The following KDM6B variants were observed in gnomAD, a reference collection of about 807,000 sequenced individuals.
KDM6B encodes lysine-specific demethylase 6B.
KDM6B carries 22 observed loss-of-function variants against 150.4 expected under a neutral mutation model. The observed-to-expected ratio is 0.15, with a 90% CI of 0.10 to 0.21. The LOEUF is 0.21. Ranked by LOEUF, KDM6B falls within the 10% of genes least tolerant of loss-of-function variation. The pLI is 1.00. For synonymous variants in KDM6B, 1,148 were observed against 921.1 expected (o/e 1.25, Z -4.46); for missense variants, 1,984 against 2,234.3 (o/e 0.89, Z 2.26).
In KDM6B at chr17:7,847,732, C is replaced by G; in HGVS notation, c.1444C>G (p.Pro482Ala). 10 of 1,540,070 alleles carry G rather than the reference C, an allele frequency of 6.5e-6. No homozygotes were observed. Among genetic ancestry groups the G allele is most frequent in the Non-Finnish European group, 8.7e-6 (10 of 1,143,210 alleles). Reference sequence around the variant, plus strand: ...TCCCCGCCTCTTACGCCCCCCACCACCCCCTGCCTGGTTGAAGGGTCCGGC... The same window carrying G: ...TCCCCGCCTCTTACGCCCCCCACCAGCCCCTGCCTGGTTGAAGGGTCCGGC... Reference protein sequence around the residue: ...PCPRLLRPPPPPAWLKGPACR... With the variant: ...PCPRLLRPPPAPAWLKGPACR... The change falls in exon 12 of 24, where the codon CCC (proline) becomes GCC (alanine). Residue 482 changes from proline (P) to alanine (A), a missense_variant. Pro to Ala is a conservative substitution (Grantham distance 27). Around this residue, in one of 13 missense-constraint regions of KDM6B, gnomAD observed 1,379 missense variants for 1,275.6 expected, o/e 1.08. Coordinates refer to ENST00000448097, the MANE Select transcript of KDM6B (RefSeq NM_001348716.2).
chr17:7,846,377 G>GGGCCCCCCCCCC, intron 7 of KDM6B, 23 bp from the exon 8 acceptor site: 6 of 1,479,310 alleles, frequency 4.1e-6, no homozygotes, highest in Non-Finnish European at 4.6e-6. Flanking sequence ...ATCTGCCCCT[G>GGGCCCCCCCCCC]CCCCGTGTCC....
At position 7,849,910 on chromosome 17, in the gene KDM6B, C is replaced by G; in HGVS notation, c.3530C>G (p.Pro1177Arg). 6.2e-7 allele frequency: 1 copy of G among 1,613,546 alleles called. No homozygotes were observed. The change falls in exon 13 of 24, where the codon CCC becomes CGC. Residue 1177 changes from proline to arginine, a missense_variant. This residue lies in a region of KDM6B where 1,379 missense variants were observed against 1,275.6 expected (regional missense o/e 1.08). Transcript: ENST00000448097. ...KPKINTEEKLPREKLNPPTPS... is the reference protein window; with the variant it reads ...KPKINTEEKLRREKLNPPTPS... ...AAGATCAACACTGAGGAGAAGCTGC[C>G]CCGGGAAAAACTCAACCCCCCTACA...
rs1465283075 is a variant in KDM6B at position 7,852,986 on chromosome 17, C to G, written c.4611-14C>G. The G allele has an allele frequency of 6.2e-7, 1 of 1,613,564 alleles. No homozygotes were observed. Among genetic ancestry groups the G allele is most frequent in the Non-Finnish European group, 8.5e-7 (1 of 1,180,018 alleles). ...CCTTGCCGGTGGTCTCAACACAACC[C>G]CACTGCTCCCCAGGTTCTGCCTGCT... On this transcript the variant is annotated splice_polypyrimidine_tract_variant and intron_variant, in intron 21 of 23. Transcript: ENST00000448097.
chr17:7,837,808 GT>G (rs1485366217), intron 1 of KDM6B, among the ~76,000 whole-genome samples: 4 of 152,132 alleles, frequency 2.6e-5, no homozygotes, highest in African/African-American at 7.2e-5. Context: ...ATTAAATGGT[GT>G]TAGTTACTAG....
Position 7,851,777 on chromosome 17 carries a change from G to T in KDM6B, c.4146G>T (p.Val1382=). 1.9e-6 allele frequency: 3 copies of T among 1,554,386 alleles called. No homozygotes were observed. The highest frequency in any genetic ancestry group is 2.6e-6 in the Non-Finnish European group (3 of 1,149,588). The part of the protein sequence containing the change: ...GMNTVQLYMK[V]PGSRTPGHQE... The stretch of plus-strand genomic sequence containing the variant: ...ACACGGTGCAGCTGTACATGAAGGT[G>T]CCCGGCAGCCGAACGCCAGGTGCGC... Residue 1382 remains valine, a synonymous_variant, in exon 18 of 24, where the codon GTG becomes GTT. Transcript: ENST00000448097.
At position 7,846,109 on chromosome 17, in the gene KDM6B, C is replaced by G. The variant is rs962237025; in HGVS notation, c.268C>G (p.Leu90Val). 2 of 1,611,230 alleles carry G rather than the reference C, an allele frequency of 1.2e-6. No homozygotes were observed. Among genetic ancestry groups the G allele is most frequent in the Non-Finnish European group, 1.7e-6 (2 of 1,179,584 alleles). The change falls in exon 7 of 24, where the codon CTG becomes GTG. Residue 90 changes from leucine (L) to valine (V), a missense_variant. Around this residue, in one of 13 missense-constraint regions of KDM6B, gnomAD observed 337 missense variants for 323.9 expected, o/e 1.04. Transcript: ENST00000448097. ...CACTCCAAGACCCCTCCATGGGAAG[C>G]TGGAATCCCTGCATGGCTGTGTGCA... ...APTPRPLHGK[L>V]ESLHGCVQAL...
chr17:7,834,449 C>T (rs2078289894), intron 1 of KDM6B, among the ~76,000 whole-genome samples, 99 bp downstream of exon 1: 1 of 151,930 alleles, frequency 6.6e-6, no homozygotes, highest in Admixed American at 6.5e-5. Flanking sequence ...TGGGGATGGA[C>T]GTTTGGGTCT....
chr17:7,850,278 G>C, intron 14 of KDM6B, 101 bp downstream of exon 14: 2 of 924,314 alleles, frequency 2.2e-6, no homozygotes, highest in Admixed American at 2.2e-5. Flanking sequence ...GACAGTGGCC[G>C]TGAGGAGTCC....
intron 2 of KDM6B, among the ~76,000 whole-genome samples, chr17:7,842,539 G>A (rs2078438908): frequency 6.6e-6 from 1 of 152,226 alleles, no homozygotes; most frequent in South Asian, 2.1e-4. Flanking sequence ...GACACCGGGA[G>A]TCAGGGAGGG....
Position 7,853,308 on chromosome 17 carries a change from C to T in KDM6B, c.4836C>T (p.Gly1612=). The part of the protein sequence containing the change: ...CEGCARRRSA[G]LQGVVVLEQY... ...GCTGTGCCCGGCGCCGCAGCGCAGGCCTGCAGGGCGTGGTGGTGCTGGAGC... is the reference window on the plus strand; with the variant it reads ...GCTGTGCCCGGCGCCGCAGCGCAGGTCTGCAGGGCGTGGTGGTGCTGGAGC... The change falls in exon 23 of 24, where the codon GGC becomes GGT. Residue 1612 remains glycine (G), a synonymous_variant. Transcript: ENST00000448097. 9 of 1,597,772 alleles carry T rather than the reference C, an allele frequency of 5.6e-6. No homozygotes were observed. Among genetic ancestry groups the T allele is most frequent in the Non-Finnish European group, 7.7e-6 (9 of 1,173,200 alleles).
chr17:7,849,975 A>G, intron 13 of KDM6B, 28 bp downstream of exon 13: 1 of 1,613,328 alleles, frequency 6.2e-7, no homozygotes, highest in Non-Finnish European at 8.5e-7. Flanking sequence ...CCTCAGAACC[A>G]CCCCTGCCAG....
chr17:7,854,062 TG>T lies in KDM6B; in HGVS notation c.*542del. 6.6e-6 allele frequency: 1 copy of T among 152,618 alleles called. No individual in the cohort carries two copies. The highest frequency in any genetic ancestry group is 1.5e-5 in the Non-Finnish European group (1 of 68,066). The allele number at this position is 152,618 out of a possible 1,614,324, so 9.5% of individuals were successfully genotyped here. A position where few individuals can be genotyped will look rare whatever the true frequency, so the allele number is the denominator to read the frequency against. ...TGATTTGTATTTTTTGTTCTTTTCT[TG>T]TTTTTTTGTTTTTAATTTATAACAG... On this transcript the variant is annotated 3_prime_UTR_variant, in exon 24 of 24. Coordinates refer to ENST00000448097, the MANE Select transcript of KDM6B (RefSeq NM_001348716.2).
At position 7,843,381 on chromosome 17, in the gene KDM6B, T is replaced by C. The variant is rs1180778301; in HGVS notation, c.-268-1520T>C. 2.6e-5 allele frequency among the ~76,000 whole-genome samples: 4 copies of C among 152,190 alleles called. No individual in the cohort carries two copies. Among genetic ancestry groups the C allele is most frequent in the African/African-American group, 9.6e-5 (4 of 41,456 alleles). ...GCTGCCTCTAGTGAGGAGAGAGTTC[T>C]GACAGTAATACCACGTGAACCGCGG... On this transcript the variant is annotated intron_variant, in intron 2 of 23. Coordinates refer to ENST00000448097, the MANE Select transcript of KDM6B (RefSeq NM_001348716.2). The surrounding 1 kb of genome is among the most constrained non-coding windows in gnomAD (Gnocchi z 4.5).
At position 7,848,468 on chromosome 17, in the gene KDM6B, A is replaced by G; in HGVS notation, c.2180A>G (p.Glu727Gly). The G allele has an allele frequency of 6.2e-7, 1 of 1,610,056 alleles. No homozygotes were observed. The highest frequency in any genetic ancestry group is 8.5e-7 in the Non-Finnish European group (1 of 1,179,442). ...AGVAPQPPLK[E>G]PFASLQSPFP... ...GTGGCCCCCCAACCCCCGCTGAAGG[A>G]GCCCTTTGCATCTCTGCAGTCTCCT... The change falls in exon 12 of 24, where the codon GAG becomes GGG. Residue 727 changes from glutamate to glycine, a missense_variant. Physicochemically the swap from Glu to Gly is moderately conservative, Grantham distance 98. Around this residue, in one of 13 missense-constraint regions of KDM6B, gnomAD observed 1,379 missense variants for 1,275.6 expected, o/e 1.08. Coordinates refer to ENST00000448097, the MANE Select transcript of KDM6B (RefSeq NM_001348716.2).
intron 1 of KDM6B, among the ~76,000 whole-genome samples, chr17:7,835,481 G>A (rs1277089402): frequency 6.6e-6 from 1 of 151,988 alleles, no homozygotes; most frequent in Non-Finnish European, 1.5e-5. Context: ...GGACCGAGGC[G>A]CAGCGTTGAC....
Position 7,846,632 on chromosome 17 carries a change from T to C in KDM6B, c.603T>C (p.Ala201=), listed in dbSNP as rs1452431135. 1.9e-6 allele frequency: 3 copies of C among 1,614,024 alleles called. No individual in the cohort carries two copies. Among genetic ancestry groups the C allele is most frequent in the African/African-American group, 2.7e-5 (2 of 74,902 alleles). The change falls in exon 9 of 24, where the codon GCT becomes GCC. Residue 201 remains alanine (A), a synonymous_variant. Coordinates refer to ENST00000448097, the MANE Select transcript of KDM6B (RefSeq NM_001348716.2). ...GAGGTCCCCCGGTGAAGCGAGCTGCTGAACCCCCAGTGGTGCAGCCTGTGC... is the reference window on the plus strand; with the variant it reads ...GAGGTCCCCCGGTGAAGCGAGCTGCCGAACCCCCAGTGGTGCAGCCTGTGC... ...KRGGPPVKRA[A]EPPVVQPVPP... is the part of the protein sequence containing the mutation.
rs767093904 is a variant in KDM6B, at chr17:7,853,553, G to T, written c.*32G>T. ...ACGCCCCGCCCGCCTGCCTGCCCGC[G>T]CAAGGCGCCGCGGGGCCACCAGCAC... On this transcript the variant is annotated 3_prime_UTR_variant, in exon 24 of 24. Transcript: ENST00000448097. 1.4e-6 allele frequency: 2 copies of T among 1,407,670 alleles called. No homozygotes were observed. The highest frequency in any genetic ancestry group is 2.9e-5 in the Admixed American group (1 of 34,700). 87.2% of individuals were successfully genotyped at this position (1,407,670 alleles called of 1,614,324 possible).
Position 7,844,728 on chromosome 17 carries a change from G to T in KDM6B, c.-268-173G>T, listed in dbSNP as rs2078494825. Reference sequence around the variant, plus strand: ...CCTCATCCGCATGCGTCTTGTCCTGGCTGCCTTCTGGCCCTGACGGCCGGA... The same window carrying T: ...CCTCATCCGCATGCGTCTTGTCCTGTCTGCCTTCTGGCCCTGACGGCCGGA... On this transcript the variant is annotated intron_variant, in intron 2 of 23. Transcript: ENST00000448097. This position sits in a 1 kb window ranked among gnomAD's most constrained non-coding sequence, Gnocchi z 5.9. Among the ~76,000 whole-genome samples the T allele has an allele frequency of 6.6e-6, 1 of 152,174 alleles. No individual in the cohort carries two copies. The highest frequency in any genetic ancestry group is 2.4e-5 in the African/African-American group (1 of 41,442).
chr17:7,851,471 C>T lies in KDM6B; in HGVS notation c.3945-7C>T. The T allele has an allele frequency of 6.2e-7, 1 of 1,614,200 alleles. No individual in the cohort carries two copies. Among genetic ancestry groups the T allele is most frequent in the Non-Finnish European group, 8.5e-7 (1 of 1,180,042 alleles). On this transcript the variant is annotated splice_region_variant and splice_polypyrimidine_tract_variant and intron_variant, in intron 16 of 23. Coordinates refer to ENST00000448097, the MANE Select transcript of KDM6B (RefSeq NM_001348716.2). Reference sequence around the variant, plus strand: ...TCTCCACCAACCTGTGCTCTTCGCCCCAGCAGCAGCGCACCAGACCCGAAG... The same window carrying T: ...TCTCCACCAACCTGTGCTCTTCGCCTCAGCAGCAGCGCACCAGACCCGAAG...
Sources: allele counts gnomAD v4.1 joint callset (sites outside exome capture counted in the v4.1 genomes callset), GRCh38; gene constraint gnomAD v4.1.1; regional missense constraint gnomAD v4.1.1; non-coding constraint Gnocchi (gnomAD v3.1); transcripts MANE v1.5; gene names NCBI Gene and HGNC (gene_info 2026-07-23, HGNC 2026-07-21).